The following PTPRD variants were observed in gnomAD, a reference collection of about 807,000 sequenced individuals.
The protein encoded by PTPRD is protein tyrosine phosphatase receptor type D.
Under a neutral mutation model 214.5 loss-of-function variants are expected in PTPRD, and 34 were observed. That is an observed-to-expected ratio of 0.16 (90% confidence interval 0.12 to 0.21). The LOEUF is 0.21. Among genes scored for constraint, PTPRD ranks in the 10% least tolerant of loss-of-function variants. PTPRD has a pLI of 1.00. For missense variants in PTPRD, 2,545 were observed against 2,398.7 expected (o/e 1.06, Z -1.27); for synonymous variants, 1,128 against 845.7 (o/e 1.33, Z -5.79).
chr9:9,869,608 A>C (rs2064917554), intron 5 of PTPRD, among the ~76,000 whole-genome samples: 1 of 152,166 alleles, frequency 6.6e-6, no homozygotes, highest in Non-Finnish European at 1.5e-5. Context: ...TCTTTGAAAA[A>C]GTAAAAGACA....
chr9:10,020,324 AC>A (rs2096824249), intron 4 of PTPRD, among the ~76,000 whole-genome samples: 1 of 150,964 alleles, frequency 6.6e-6, no homozygotes, highest in Admixed American at 6.6e-5. Context: ...TTTTTCTTTG[AC>A]GGAGTCTTGC....
intron 11 of PTPRD, among the ~76,000 whole-genome samples, chr9:8,876,682 C>G (rs1270559857): frequency 6.6e-6 from 1 of 152,148 alleles, no homozygotes; most frequent in East Asian, 1.9e-4. Flanking sequence ...TGCAAAATAA[C>G]TCAGAACATT....
chr9:10,043,007 T>A (rs1009788751), intron 3 of PTPRD, among the ~76,000 whole-genome samples: 3 of 151,968 alleles, frequency 2.0e-5, no homozygotes, highest in African/African-American at 7.2e-5. Context: ...TGAGTTCTAA[T>A]CTGAGTTCTA....
chr9:10,597,973 C>T (rs938183489), intron 2 of PTPRD, among the ~76,000 whole-genome samples: 1 of 151,692 alleles, frequency 6.6e-6, no homozygotes, highest in Non-Finnish European at 1.5e-5. Flanking sequence ...ACGGCTAATG[C>T]ATTCTTGATG....
chr9:8,796,678 A>T (rs2096434608), intron 11 of PTPRD, among the ~76,000 whole-genome samples: 1 of 152,130 alleles, frequency 6.6e-6, no homozygotes, highest in African/African-American at 2.4e-5. Flanking sequence ...AAATGAGTAC[A>T]ATTTCTATTT....
At chr9:8,526,560 T>C in intron 17 of PTPRD, 67 bp downstream of exon 17, 1 of 1,381,910 alleles carries the variant, frequency 7.2e-7, no homozygotes, top group Admixed American at 2.3e-5. Flanking sequence ...AGGACAAAGA[T>C]GAGAGGGATG....
At chr9:8,507,199 C>T (rs967599415) in intron 22 of PTPRD, 102 bp downstream of exon 22, 6 of 1,345,160 alleles carry the variant, frequency 4.5e-6, no homozygotes, top group East Asian at 2.6e-5. Context: ...CCATCAAGGT[C>T]CTCAATAGCT....
chr9:8,455,604 T>G (rs1360209406), intron 33 of PTPRD, among the ~76,000 whole-genome samples: 5 of 152,154 alleles, frequency 3.3e-5, no homozygotes, highest in Admixed American at 2.6e-4. Context: ...ATCCATCTCT[T>G]TTCAAAAATA....
chr9:8,877,019 C>T (rs558352342), intron 11 of PTPRD, among the ~76,000 whole-genome samples: 2 of 152,074 alleles, frequency 1.3e-5, no homozygotes, highest in South Asian at 2.1e-4. Flanking sequence ...CTCTGCCCCC[C>T]GGGTTCAAGT....
At chr9:8,857,125 T>C (rs920322162) in intron 11 of PTPRD, among the ~76,000 whole-genome samples, 3 of 152,140 alleles carry the variant, frequency 2.0e-5, no homozygotes, top group Non-Finnish European at 4.4e-5. Context: ...ATCCCCCTCC[T>C]CTATGGCAGC....
intron 35 of PTPRD, among the ~76,000 whole-genome samples, chr9:8,422,698 G>C (rs2094443173): frequency 6.6e-6 from 1 of 152,162 alleles, no homozygotes; most frequent in African/African-American, 2.4e-5. Context: ...TTCTTGAGCT[G>C]TGACAACAAG....
intron 2 of PTPRD, among the ~76,000 whole-genome samples, chr9:10,405,527 GAAATA>G (rs71332743): frequency 0.78 from 116,825 of 150,654 alleles, 46,080 homozygotes; most frequent in East Asian, 0.88. Context: ...ACTAAACAAG[GAAATA>G]AAATAAAAGC....
intron 3 of PTPRD, among the ~76,000 whole-genome samples, chr9:10,200,963 TAA>T (rs2099417611): frequency 6.6e-6 from 1 of 151,962 alleles, no homozygotes; most frequent in African/African-American, 2.4e-5. Context: ...CACCTAGAAA[TAA>T]AAGACACAGC....
At chr9:9,335,070 T>C (rs1045457508) in intron 9 of PTPRD, among the ~76,000 whole-genome samples, 7 of 152,062 alleles carry the variant, frequency 4.6e-5, no homozygotes, top group Admixed American at 3.9e-4. Context: ...TGTAGTTAAC[T>C]GCAGCTCAGA....
At chr9:8,394,683 C>A (rs547274286) in intron 36 of PTPRD, among the ~76,000 whole-genome samples, 1 of 152,072 alleles carries the variant, frequency 6.6e-6, no homozygotes, top group Non-Finnish European at 1.5e-5. Context: ...TTCTTGGACT[C>A]AGACATCTCT....
At chr9:10,077,111 T>A (rs7039475) in intron 3 of PTPRD, among the ~76,000 whole-genome samples, 57,100 of 151,984 alleles carry the variant, frequency 0.38, 11,495 homozygotes, top group African/African-American at 0.53. Flanking sequence ...TCATTTTATT[T>A]ATTTCCCACT....
At chr9:9,148,589 G>A (rs1592437439) in intron 10 of PTPRD, among the ~76,000 whole-genome samples, 2 of 152,048 alleles carry the variant, frequency 1.3e-5, no homozygotes, top group African/African-American at 4.8e-5. Flanking sequence ...GTCCCCATCA[G>A]AACCGAAACT....
At chr9:9,648,186 T>G (rs1028643937) in intron 7 of PTPRD, among the ~76,000 whole-genome samples, 5 of 152,086 alleles carry the variant, frequency 3.3e-5, no homozygotes, top group African/African-American at 1.2e-4. Context: ...TATTTTCACT[T>G]ATTTGAATCT....
intron 7 of PTPRD, among the ~76,000 whole-genome samples, chr9:9,637,994 C>G (rs963423541): frequency 6.6e-6 from 1 of 152,126 alleles, no homozygotes. Context: ...GCCCTCACCC[C>G]AAAGGCCCTG....
Sources: gnomAD v4.1 joint callset for allele counts (sites outside exome capture counted in the v4.1 genomes callset) on GRCh38, gnomAD v4.1.1 for gene constraint, MANE v1.5 for transcripts, NCBI Gene and HGNC (gene_info 2026-07-23, HGNC 2026-07-21) for gene names.